Variants in TSPAN19 observed in about 807,000 individuals in gnomAD.
TSPAN19 encodes tetraspanin-19.
In TSPAN19, 44 loss-of-function variants were observed where a neutral mutation model predicts 35.1. The observed-to-expected ratio is 1.25, with a 90% CI of 0.98 to 1.61. The LOEUF (loss-of-function observed/expected upper bound fraction) is 1.61, where lower values mean the gene tolerates loss of function less well. Among genes scored for constraint, TSPAN19 ranks in the 40% most tolerant of loss-of-function variants. TSPAN19 has a pLI of 0.00. For missense variants in TSPAN19, 290 were observed against 280.0 expected (o/e 1.04, Z -0.26); for synonymous variants, 79 against 92.0 (o/e 0.86, Z 0.81).
chr12:85,028,241 A>C (rs1877517147), intron 3 of TSPAN19, among the ~76,000 whole-genome samples: 1 of 152,134 alleles, frequency 6.6e-6, no homozygotes, highest in South Asian at 2.1e-4. Flanking sequence ...TCTGACATGA[A>C]GAGAATTTCT....
At chr12:85,021,469 T>C (rs1020663521) in intron 5 of TSPAN19, among the ~76,000 whole-genome samples, 1 of 152,110 alleles carries the variant, frequency 6.6e-6, no homozygotes, top group African/African-American at 2.4e-5. Context: ...ATAAGATATA[T>C]AGTGCTGTTG....
intron 8 of TSPAN19, chr12:85,015,539 TATACAC>T (rs1565763133): frequency 1.5e-5 from 2 of 136,298 alleles, no homozygotes; most frequent in South Asian, 2.4e-4. Flanking sequence ...TATATGAACA[TATACAC>T]ACACACACAC....
intron 3 of TSPAN19, 87 bp downstream of exon 3, chr12:85,029,632 A>C (rs1877585869): frequency 2.0e-6 from 2 of 1,020,846 alleles, no homozygotes. Flanking sequence ...ACAGAGAAAT[A>C]CTGCCACCTG....
intron 1 of TSPAN19, among the ~76,000 whole-genome samples, 200 bp from the exon 2 acceptor site, chr12:85,030,173 G>A (rs1877615787): frequency 6.6e-6 from 1 of 152,000 alleles, no homozygotes; most frequent in South Asian, 2.1e-4. Context: ...GAGAGTATCT[G>A]TACTTAAAAT....
chr12:85,028,606 G>A (rs865816913), intron 3 of TSPAN19, among the ~76,000 whole-genome samples: 2 of 152,250 alleles, frequency 1.3e-5, no homozygotes, highest in East Asian at 1.9e-4. Flanking sequence ...AAAGAAGGAC[G>A]GATAAATAAA....
intron 4 of TSPAN19, among the ~76,000 whole-genome samples, chr12:85,023,853 C>T (rs1484040029): frequency 2.0e-5 from 3 of 152,098 alleles, no homozygotes; most frequent in East Asian, 1.9e-4. Flanking sequence ...GGGCTATTTC[C>T]TGAAAACTGA....
At chr12:85,033,217 A>G (rs1293899726) in intron 1 of TSPAN19, among the ~76,000 whole-genome samples, 6 of 152,140 alleles carry the variant, frequency 3.9e-5, no homozygotes, top group Non-Finnish European at 8.8e-5. Context: ...TATTCAAGAC[A>G]GAGGGAACAC....
At chr12:85,017,423 T>C in intron 7 of TSPAN19, 33 bp downstream of exon 7, 1 of 1,571,970 alleles carries the variant, frequency 6.4e-7, no homozygotes, top group South Asian at 1.2e-5. Context: ...CAAAATACTA[T>C]AAATACTTGT....
At chr12:85,031,360 A>G (rs767297933) in intron 1 of TSPAN19, among the ~76,000 whole-genome samples, 103 of 152,074 alleles carry the variant, frequency 6.8e-4, no homozygotes, top group Non-Finnish European at 1.3e-3. Flanking sequence ...TTCCAATTCT[A>G]TTTACTACCA....
chr12:85,027,415 C>T (rs1877467579), intron 4 of TSPAN19, among the ~76,000 whole-genome samples: 1 of 152,090 alleles, frequency 6.6e-6, no homozygotes, highest in Non-Finnish European at 1.5e-5. Flanking sequence ...AACAAACTTG[C>T]ACATGTACCC....
chr12:85,016,539 C>T (rs1278222211), intron 7 of TSPAN19: 1 of 151,824 alleles, frequency 6.6e-6, no homozygotes, highest in African/African-American at 2.4e-5. Flanking sequence ...CCTCAACAGT[C>T]GATCTTACAA....
intron 5 of TSPAN19, among the ~76,000 whole-genome samples, chr12:85,020,543 A>T (rs1269187120): frequency 6.6e-6 from 1 of 151,986 alleles, no homozygotes; most frequent in African/African-American, 2.4e-5. Context: ...AGCTCAAGGA[A>T]ATTGAGAAAA....
chr12:85,019,455 G>A (rs1385195011), intron 6 of TSPAN19, among the ~76,000 whole-genome samples, 171 bp downstream of exon 6: 1 of 151,966 alleles, frequency 6.6e-6, no homozygotes, highest in East Asian at 1.9e-4. Flanking sequence ...TACAAAAGGA[G>A]GATATAAATC....
At chr12:85,029,212 A>C (rs895549734) in intron 3 of TSPAN19, among the ~76,000 whole-genome samples, 2 of 152,176 alleles carry the variant, frequency 1.3e-5, no homozygotes, top group African/African-American at 2.4e-5. Flanking sequence ...GAAGATGCTT[A>C]GTAATATTTG....
chr12:85,015,899 A>G lies in TSPAN19; in HGVS notation c.667T>C (p.Leu223=). Residue 223 remains leucine, a synonymous_variant, in exon 8 of 9, where the codon TTA becomes CTA. Transcript: ENST00000532498. The stretch of plus-strand genomic sequence containing the variant: ...GAACAAAAGCTTACCTCTGAAGTTA[A>G]AAGTCCAAAGTTAATTCCGATTAAG... ...LTLIGINFGL[L]TSEVFQVSLT... is the part of the protein sequence containing the mutation. The G allele has an allele frequency of 6.5e-7, 1 of 1,547,340 alleles. No homozygotes were observed. Among genetic ancestry groups the G allele is most frequent in the Non-Finnish European group, 8.7e-7 (1 of 1,144,628 alleles).
chr12:85,023,214 A>C, intron 5 of TSPAN19, 112 bp downstream of exon 5: 2 of 897,682 alleles, frequency 2.2e-6, no homozygotes, highest in Non-Finnish European at 1.7e-6. Flanking sequence ...TCCCCTAAAG[A>C]AATTTACCTT....
chr12:85,018,935 T>C (rs955635511), intron 6 of TSPAN19, among the ~76,000 whole-genome samples: 5 of 151,918 alleles, frequency 3.3e-5, no homozygotes, highest in African/African-American at 1.2e-4. Context: ...ATTTTTTTAA[T>C]TGGGCACTTA....
At chr12:85,025,538 G>T (rs897741062) in intron 4 of TSPAN19, among the ~76,000 whole-genome samples, 1 of 150,274 alleles carries the variant, frequency 6.7e-6, no homozygotes, top group Admixed American at 6.6e-5. Context: ...TTGGGGGGGA[G>T]GTGGGGGATG....
At chr12:85,019,064 T>C (rs1876974735) in intron 6 of TSPAN19, among the ~76,000 whole-genome samples, 1 of 151,924 alleles carries the variant, frequency 6.6e-6, no homozygotes, top group Admixed American at 6.6e-5. Flanking sequence ...CTTTAAAAAT[T>C]AGCTAAAAAG....
Sources: allele counts gnomAD v4.1 joint callset (sites outside exome capture counted in the v4.1 genomes callset), GRCh38; gene constraint gnomAD v4.1.1; transcripts MANE v1.5; gene names NCBI Gene and HGNC (gene_info 2026-07-23, HGNC 2026-07-21).